Variants in SLC35A5 observed in about 807,000 individuals in gnomAD.
The protein encoded by SLC35A5 is UDP-sugar transporter protein SLC35A5.
SLC35A5 carries 28 observed loss-of-function variants against 36.3 expected under a neutral mutation model. The observed-to-expected ratio is 0.77, with a 90% CI of 0.57 to 1.06. The LOEUF (loss-of-function observed/expected upper bound fraction) is 1.06, where lower values mean the gene tolerates loss of function less well. Among genes scored for constraint, SLC35A5 ranks in the 50% least tolerant of loss-of-function variants. The pLI, the probability that SLC35A5 is intolerant of heterozygous loss-of-function variation, is 0.00. For synonymous variants in SLC35A5, 180 were observed against 173.7 expected, an observed-to-expected ratio of 1.04 and a Z score of -0.29; for missense variants, 521 against 499.3, an observed-to-expected ratio of 1.04 and a Z score of -0.41.
intron 5 of SLC35A5, among the ~76,000 whole-genome samples, chr3:112,576,551 G>A (rs889284498): frequency 2.6e-5 from 4 of 151,922 alleles, no homozygotes; most frequent in Admixed American, 2.0e-4. Flanking sequence ...TCCTTTCCCC[G>A]CCTCACCCTA....
rs141962169 is a variant in SLC35A5, at chr3:112,569,578, T to C, written c.229+309T>C. Among the ~76,000 whole-genome samples, 22 of 152,346 alleles carry C rather than the reference T, an allele frequency of 1.4e-4. No individual in the cohort carries two copies. In the East Asian group the frequency reaches 3.9e-3, roughly 27 times the overall value. Reference sequence around the variant, plus strand: ...GTTAGTTTTTATTCAAATTAAAGATTTTCTAAATCGTGCTAACTTGAGATG... The same window carrying C: ...GTTAGTTTTTATTCAAATTAAAGATCTTCTAAATCGTGCTAACTTGAGATG... On this transcript the variant is annotated intron_variant, in intron 3 of 6. Transcript: ENST00000492406.
At chr3:112,561,336 T>C (rs942898600), upstream of SLC35A5, 7 of 1,012,648 alleles carry the variant, frequency 6.9e-6, no homozygotes, top group African/African-American at 6.4e-5. Flanking sequence ...TCCCTGTGTC[T>C]CGAGCCCTAC....
At chr3:112,561,960 A>G (rs1337210752), upstream of SLC35A5, 1 of 203,674 alleles carries the variant, frequency 4.9e-6, no homozygotes, top group South Asian at 6.7e-5. Context: ...CTCACGTGAC[A>G]CTAGACTCTC....
chr3:112,582,852 T>C lies in SLC35A5; in HGVS notation c.*116T>C. 3 of 879,842 alleles carry C rather than the reference T, an allele frequency of 3.4e-6. No homozygotes were observed. Among genetic ancestry groups the C allele is most frequent in the South Asian group, 3.4e-5 (2 of 59,624 alleles). 54.5% of individuals were successfully genotyped at this position (879,842 alleles called of 1,614,324 possible). A position where few individuals can be genotyped will look rare whatever the true frequency, so the allele number is the denominator to read the frequency against. ...AATGTTTCTAAATCCTAATATTCTT[T>C]GCATATATCTAGCTACTCCCTAAAT... On this transcript the variant is annotated 3_prime_UTR_variant, in exon 7 of 7. Transcript: ENST00000492406.
intron 3 of SLC35A5, 137 bp from the exon 4 acceptor site, chr3:112,570,403 A>T: frequency 1.1e-6 from 1 of 908,222 alleles, no homozygotes; most frequent in Non-Finnish European, 1.6e-6. Flanking sequence ...TGGTGGGTTG[A>T]AGAGAGACAG....
rs150129196 is a variant in SLC35A5 at position 112,580,835 on chromosome 3, T to A, written c.718T>A (p.Cys240Ser). Residue 240 changes from cysteine (C) to serine (S), a missense_variant, in exon 6 of 7, where the codon TGT (cysteine) becomes AGT (serine). Cys to Ser is a moderately radical substitution (Grantham distance 112). Coordinates refer to ENST00000492406, the MANE Select transcript of SLC35A5 (RefSeq NM_017945.5). ...GGGCCATGTTCTTATTATAGTCCAG[T>A]GTTTTATTTCTTCAATGGCTAATAT... ...GMGHVLIIVQCFISSMANIYN... is the reference protein window; with the variant it reads ...GMGHVLIIVQSFISSMANIYN... The A allele has an allele frequency of 2.0e-5, 33 of 1,614,032 alleles. No homozygotes were observed. Among genetic ancestry groups the A allele is most frequent in the Non-Finnish European group, 2.8e-5 (33 of 1,179,990 alleles).
In SLC35A5 at chr3:112,573,917, G is replaced by A. The variant is rs201917847; in HGVS notation, c.389G>A (p.Ser130Asn). The A allele has an allele frequency of 3.8e-5, 62 of 1,613,476 alleles. No individual in the cohort carries two copies. In the East Asian group the frequency reaches 9.4e-4, roughly 24 times the overall value. ...PAMAVIFSNFSIITTALLFRI... is the reference protein window; with the variant it reads ...PAMAVIFSNFNIITTALLFRI... ...ATGGCTGTTATCTTCTCAAATTTTA[G>A]CATTATAACAACAGCTCTTCTATTC... Residue 130 changes from serine (S) to asparagine (N), a missense_variant, in exon 5 of 7, where the codon AGC becomes AAC. Coordinates refer to ENST00000492406, the MANE Select transcript of SLC35A5 (RefSeq NM_017945.5).
intron 3 of SLC35A5, among the ~76,000 whole-genome samples, chr3:112,569,571 T>G (rs1380712361): frequency 6.6e-6 from 1 of 152,214 alleles, no homozygotes; most frequent in South Asian, 2.1e-4. Context: ...TTATTCAAAT[T>G]AAAGATTTTC....
chr3:112,561,688 C>A, upstream of SLC35A5: 1 of 703,640 alleles, frequency 1.4e-6, no homozygotes, highest in South Asian at 1.9e-5. Context: ...ACGGGCGGGA[C>A]GAGGGGGCGG....
chr3:112,561,835 C>T, upstream of SLC35A5: 2 of 381,480 alleles, frequency 5.2e-6, no homozygotes, highest in East Asian at 6.1e-5. Flanking sequence ...GAGAAGCGGA[C>T]GCACACGCAC....
chr3:112,583,243 G>A lies in SLC35A5; in HGVS notation c.*507G>A. On this transcript the variant is annotated 3_prime_UTR_variant, in exon 7 of 7. Coordinates refer to ENST00000492406, the MANE Select transcript of SLC35A5 (RefSeq NM_017945.5). Reference sequence around the variant, plus strand: ...CCCTTTCTAAAAACGTTGGTTGAAGGACCTAAATACCTGGCCATACCATAG... The same window carrying A: ...CCCTTTCTAAAAACGTTGGTTGAAGAACCTAAATACCTGGCCATACCATAG... 1 of 396,824 alleles carries A rather than the reference G, an allele frequency of 2.5e-6. No individual in the cohort carries two copies. The highest frequency in any genetic ancestry group is 4.4e-6 in the Non-Finnish European group (1 of 225,116). 24.6% of individuals were successfully genotyped at this position (396,824 alleles called of 1,614,324 possible).
intron 6 of SLC35A5, among the ~76,000 whole-genome samples, chr3:112,581,764 C>CT (rs1178666930): frequency 6.6e-6 from 1 of 152,148 alleles, no homozygotes; most frequent in Non-Finnish European, 1.5e-5. Flanking sequence ...AGAAGTTGGC[C>CT]TTTCGTATTA....
intron 5 of SLC35A5, among the ~76,000 whole-genome samples, chr3:112,577,521 G>A (rs1559862293): frequency 6.6e-6 from 1 of 152,164 alleles, no homozygotes; most frequent in Non-Finnish European, 1.5e-5. Flanking sequence ...TGTAACCTAA[G>A]CAAAGTTGCA....
chr3:112,580,555 A>G lies in SLC35A5; in HGVS notation c.438A>G (p.Leu146=), dbSNP rs773071772. 5 of 1,612,060 alleles carry G rather than the reference A, an allele frequency of 3.1e-6. No individual in the cohort carries two copies. The Admixed American group carries it at 8.4e-5, about 27-fold the overall frequency. Residue 146 remains leucine, a synonymous_variant, in exon 6 of 7, where the codon CTA becomes CTG. Transcript: ENST00000492406. ...LLFRIVLKRR[L]NWIQWASLLT... ...TTTCATCTTTGAACAGGAGGCGTCTAAACTGGATCCAGTGGGCTTCCCTCC... is the reference window on the plus strand; with the variant it reads ...TTTCATCTTTGAACAGGAGGCGTCTGAACTGGATCCAGTGGGCTTCCCTCC...
chr3:112,583,801 T>C lies in SLC35A5; in HGVS notation c.*1065T>C, dbSNP rs1424064459. ...CTACTTCACACTTAAAAGTGCATGG[T>C]ATTTTTCATGGTATTTTGCATGCAG... On this transcript the variant is annotated 3_prime_UTR_variant, in exon 7 of 7. Transcript: ENST00000492406. 6.6e-6 allele frequency: 1 copy of C among 152,164 alleles called. No homozygotes were observed. The highest frequency in any genetic ancestry group is 1.5e-5 in the Non-Finnish European group (1 of 68,000). 9.4% of individuals were successfully genotyped at this position (152,164 alleles called of 1,614,324 possible). A position where few individuals can be genotyped will look rare whatever the true frequency, so the allele number is the denominator to read the frequency against.
chr3:112,574,103 A>G (rs1210650402), intron 5 of SLC35A5, 147 bp downstream of exon 5: 23 of 601,748 alleles, frequency 3.8e-5, no homozygotes, highest in Non-Finnish European at 6.1e-5. Context: ...CGTTTAAGCC[A>G]TGTAGAAAGC....
chr3:112,570,011 C>T (rs1576749033), intron 3 of SLC35A5, among the ~76,000 whole-genome samples: 1 of 152,292 alleles, frequency 6.6e-6, no homozygotes, highest in East Asian at 1.9e-4. Flanking sequence ...ATTTGCAGGG[C>T]CTTAAACTGC....
intron 5 of SLC35A5, among the ~76,000 whole-genome samples, chr3:112,578,918 A>G (rs1934776376): frequency 6.6e-6 from 1 of 152,036 alleles, no homozygotes; most frequent in Non-Finnish European, 1.5e-5. Flanking sequence ...CTGCTACTTA[A>G]TGTGTATCAG....
Position 112,581,110 on chromosome 3 carries a change from C to T in SLC35A5, c.993C>T (p.Phe331=). 6.2e-7 allele frequency: 1 copy of T among 1,613,980 alleles called. No individual in the cohort carries two copies. The highest frequency in any genetic ancestry group is 2.2e-5 in the East Asian group (1 of 44,882). ...TTCTGAAGTTCCTGGATAACATGTT[C>T]CATGTCTTGATGGCCCAGGTTACCA... The part of the protein sequence containing the change: ...AFILKFLDNM[F]HVLMAQVTTV... The change falls in exon 6 of 7, where the codon TTC becomes TTT. Residue 331 remains phenylalanine (F), a synonymous_variant. Coordinates refer to ENST00000492406, the MANE Select transcript of SLC35A5 (RefSeq NM_017945.5).
Sources: gnomAD v4.1 joint callset for allele counts (sites outside exome capture counted in the v4.1 genomes callset) on GRCh38, gnomAD v4.1.1 for gene constraint, MANE v1.5 for transcripts, NCBI Gene and HGNC (gene_info 2026-07-23, HGNC 2026-07-21) for gene names.